Variants in SCG5 observed in about 807,000 individuals in gnomAD.
The protein encoded by SCG5 is secretogranin V.
In SCG5, 18 loss-of-function variants were observed where a neutral mutation model predicts 25.7. The observed-to-expected ratio is 0.70, with a 90% CI of 0.48 to 1.04. The LOEUF is 1.04. Ranked by LOEUF, SCG5 falls within the 50% of genes least tolerant of loss-of-function variation. The pLI, the probability that SCG5 is intolerant of heterozygous loss-of-function variation, is 0.00. For synonymous variants in SCG5, 101 were observed against 91.7 expected, an observed-to-expected ratio of 1.10 and a Z score of -0.58; for missense variants, 206 against 259.8, an observed-to-expected ratio of 0.79 and a Z score of 1.42.
chr15:32,688,403 G>A (rs2054762993), intron 4 of SCG5, among the ~76,000 whole-genome samples: 2 of 152,188 alleles, frequency 1.3e-5, no homozygotes, highest in South Asian at 4.1e-4. Context: ...CACAGCCAGA[G>A]CCTGAGCCAC....
intron 2 of SCG5, among the ~76,000 whole-genome samples, chr15:32,672,639 C>G (rs1355273805): frequency 6.6e-6 from 1 of 152,176 alleles, no homozygotes; most frequent in Admixed American, 6.5e-5. Flanking sequence ...GGCTGTGGAG[C>G]TCCAGCTCAT....
chr15:32,684,201 A>G (rs754282804), intron 3 of SCG5, among the ~76,000 whole-genome samples: 8 of 152,214 alleles, frequency 5.3e-5, no homozygotes, highest in Admixed American at 5.2e-4. Context: ...ATGTATTTCA[A>G]TTCCAGGCCT....
intron 2 of SCG5, among the ~76,000 whole-genome samples, chr15:32,657,199 G>GA (rs2054131453): frequency 1.5e-4 from 1 of 6,674 alleles, no homozygotes; most frequent in Non-Finnish European, 2.9e-4. Flanking sequence ...TCATCCTCCT[G>GA]TATATATATA....
intron 2 of SCG5, among the ~76,000 whole-genome samples, chr15:32,651,540 C>T (rs1014918846): frequency 6.6e-6 from 1 of 152,214 alleles, no homozygotes; most frequent in Non-Finnish European, 1.5e-5. Context: ...GTGCAGCTGA[C>T]TCTTATGTGT....
intron 2 of SCG5, 137 bp from the exon 3 acceptor site, chr15:32,679,629 G>A: frequency 1.1e-6 from 1 of 915,824 alleles, no homozygotes. Flanking sequence ...AACCCCTAGA[G>A]GGCAAGAACC....
chr15:32,666,777 A>G (rs1567078246), intron 2 of SCG5, among the ~76,000 whole-genome samples: 1 of 152,232 alleles, frequency 6.6e-6, no homozygotes, highest in Admixed American at 6.5e-5. Flanking sequence ...TAAGGATGGT[A>G]TTACTTAAGT....
At chr15:32,673,712 C>A (rs993468757) in intron 2 of SCG5, among the ~76,000 whole-genome samples, 1 of 152,046 alleles carries the variant, frequency 6.6e-6, no homozygotes, top group African/African-American at 2.4e-5. Flanking sequence ...ACTATTGCAT[C>A]TGGGACCATT....
intron 2 of SCG5, among the ~76,000 whole-genome samples, chr15:32,667,718 G>A (rs1292646885): frequency 1.3e-5 from 2 of 151,370 alleles, no homozygotes; most frequent in African/African-American, 4.8e-5. Flanking sequence ...TGTCGCCCAG[G>A]CTGGAGTGCA....
chr15:32,676,842 C>A (rs2054539611), intron 2 of SCG5, among the ~76,000 whole-genome samples: 1 of 152,072 alleles, frequency 6.6e-6, no homozygotes, highest in South Asian at 2.1e-4. Context: ...ACATTTATAC[C>A]CTTGGATATG....
chr15:32,689,724 G>A (rs1466872935), intron 4 of SCG5, among the ~76,000 whole-genome samples: 1 of 152,120 alleles, frequency 6.6e-6, no homozygotes, highest in Non-Finnish European at 1.5e-5. Flanking sequence ...AATTAAGAAT[G>A]TCCCAGACAC....
At chr15:32,651,414 T>G (rs1009550479) in intron 2 of SCG5, among the ~76,000 whole-genome samples, 1 of 152,236 alleles carries the variant, frequency 6.6e-6, no homozygotes, top group African/African-American at 2.4e-5. Context: ...GTGCCTCCGC[T>G]TTGCCACAGG....
At chr15:32,655,201 A>G (rs937782418) in intron 2 of SCG5, among the ~76,000 whole-genome samples, 1 of 152,000 alleles carries the variant, frequency 6.6e-6, no homozygotes, top group Non-Finnish European at 1.5e-5. Flanking sequence ...CCAGCTACTC[A>G]GGAGGCTGAG....
intron 4 of SCG5, among the ~76,000 whole-genome samples, chr15:32,685,193 G>A (rs1018809022): frequency 3.3e-5 from 5 of 152,174 alleles, no homozygotes; most frequent in Non-Finnish European, 5.9e-5. Context: ...CTAGGTAAGT[G>A]CATATAGCTG....
At chr15:32,671,858 C>G (rs1345268473) in intron 2 of SCG5, among the ~76,000 whole-genome samples, 2 of 152,244 alleles carry the variant, frequency 1.3e-5, no homozygotes, top group East Asian at 3.9e-4. Context: ...AGGAGCCACC[C>G]CGCCCCTTCC....
chr15:32,695,778 T>C (rs1053417502), intron 5 of SCG5, among the ~76,000 whole-genome samples: 1 of 152,162 alleles, frequency 6.6e-6, no homozygotes, highest in Non-Finnish European at 1.5e-5. Flanking sequence ...AAAATATAAT[T>C]TAATGCATTT....
At chr15:32,672,041 C>T (rs1466165255) in intron 2 of SCG5, among the ~76,000 whole-genome samples, 1 of 152,232 alleles carries the variant, frequency 6.6e-6, no homozygotes, top group Non-Finnish European at 1.5e-5. Flanking sequence ...CTGCTTCAGG[C>T]TCCCAGACCG....
In SCG5 at chr15:32,673,773, G is replaced by A. The variant is rs188834136; in HGVS notation, c.227-5993G>A. Among the ~76,000 whole-genome samples, 354 of 152,132 alleles carry A rather than the reference G, an allele frequency of 2.3e-3. 1 individual carries two copies. The highest frequency in any genetic ancestry group is 6.8e-3 in the Middle Eastern group (2 of 292). The stretch of plus-strand genomic sequence containing the variant: ...TTTTGAGACGGAGTCTCACTTTGCC[G>A]CCCAGGCTGGAGTGCAGTGGCATGA... On this transcript the variant is annotated intron_variant, in intron 2 of 5. Transcript: ENST00000300175.
intron 2 of SCG5, among the ~76,000 whole-genome samples, chr15:32,649,291 T>G (rs1299743673): frequency 6.6e-6 from 1 of 152,262 alleles, no homozygotes; most frequent in Non-Finnish European, 1.5e-5. Flanking sequence ...GTTTTACATC[T>G]GGATCTGTCA....
intron 2 of SCG5, among the ~76,000 whole-genome samples, chr15:32,650,851 A>G (rs930701492): frequency 6.6e-6 from 1 of 152,260 alleles, no homozygotes; most frequent in Admixed American, 6.5e-5. Flanking sequence ...ATGTATAAAC[A>G]TTAGCATTTG....
Sources: allele counts gnomAD v4.1 joint callset (sites outside exome capture counted in the v4.1 genomes callset), GRCh38; gene constraint gnomAD v4.1.1; transcripts MANE v1.5; gene names NCBI Gene and HGNC (gene_info 2026-07-23, HGNC 2026-07-21).